The following GALNTL6 variants were observed in gnomAD, a reference collection of about 807,000 sequenced individuals.
GALNTL6 encodes the protein polypeptide N-acetylgalactosaminyltransferase-like 6.
In GALNTL6, 46 loss-of-function variants were observed where a neutral mutation model predicts 73.7. That is an observed-to-expected ratio of 0.62 (90% CI 0.49 to 0.80). The LOEUF is 0.80. Among genes scored for constraint, GALNTL6 ranks in the 30% least tolerant of loss-of-function variants. GALNTL6 has a pLI of 0.00. For missense variants in GALNTL6, 604 were observed against 755.0 expected, an observed-to-expected ratio of 0.80 and a Z score of 2.34; for synonymous variants, 259 against 263.7, an observed-to-expected ratio of 0.98 and a Z score of 0.17.
chr4:172,386,440 A>G (rs1743474544), intron 5 of GALNTL6, among the ~76,000 whole-genome samples: 2 of 152,088 alleles, frequency 1.3e-5, no homozygotes, highest in Non-Finnish European at 2.9e-5. Context: ...TCTCTTCATG[A>G]GAGTATTGTT....
intron 2 of GALNTL6, among the ~76,000 whole-genome samples, chr4:172,126,505 C>T (rs1282611742): frequency 6.6e-6 from 1 of 152,072 alleles, no homozygotes; most frequent in Admixed American, 6.6e-5. Flanking sequence ...GTAAGGGACA[C>T]GAGGAACACA....
At chr4:172,982,117 C>T (rs1357965710) in intron 10 of GALNTL6, among the ~76,000 whole-genome samples, 1 of 152,114 alleles carries the variant, frequency 6.6e-6, no homozygotes, top group Admixed American at 6.5e-5. Flanking sequence ...AATATTAAGT[C>T]TTTTGATCCA....
At chr4:171,841,250 A>G (rs1560809272) in intron 2 of GALNTL6, among the ~76,000 whole-genome samples, 1 of 152,228 alleles carries the variant, frequency 6.6e-6, no homozygotes, top group Non-Finnish European at 1.5e-5. Context: ...AATTGAAAGG[A>G]GATATTAATT....
intron 2 of GALNTL6, among the ~76,000 whole-genome samples, chr4:172,138,515 T>TATATATATA (rs1560938392): frequency 9.6e-4 from 6 of 6,244 alleles, no homozygotes; most frequent in Non-Finnish European, 1.6e-3. Context: ...ATATATATAT[T>TATATATATA]TTTTTTTTTT....
At chr4:172,710,970 C>T (rs1324147669) in intron 5 of GALNTL6, among the ~76,000 whole-genome samples, 2 of 152,056 alleles carry the variant, frequency 1.3e-5, no homozygotes, top group South Asian at 2.1e-4. Context: ...GGGGATACAA[C>T]GAACAAGGCC....
At chr4:172,768,319 A>G (rs1405001457) in intron 5 of GALNTL6, among the ~76,000 whole-genome samples, 1 of 152,218 alleles carries the variant, frequency 6.6e-6, no homozygotes, top group African/African-American at 2.4e-5. Flanking sequence ...TGGAATACAT[A>G]GAGTAGGTAA....
At chr4:172,438,812 G>T (rs987474387) in intron 5 of GALNTL6, among the ~76,000 whole-genome samples, 1 of 151,546 alleles carries the variant, frequency 6.6e-6, no homozygotes, top group Admixed American at 6.6e-5. Flanking sequence ...CATACTTCTC[G>T]ACTTACCCAC....
At chr4:171,999,613 A>T (rs1232273248) in intron 2 of GALNTL6, among the ~76,000 whole-genome samples, 1 of 152,158 alleles carries the variant, frequency 6.6e-6, no homozygotes, top group East Asian at 1.9e-4. Context: ...CCTTGAAAAC[A>T]TCTAAAATGT....
chr4:172,420,468 G>A (rs1731011595), intron 5 of GALNTL6, among the ~76,000 whole-genome samples: 1 of 152,150 alleles, frequency 6.6e-6, no homozygotes, highest in Non-Finnish European at 1.5e-5. Flanking sequence ...TGTTTTTTAA[G>A]TGATTTAGTA....
intron 5 of GALNTL6, among the ~76,000 whole-genome samples, chr4:172,481,255 A>G (rs567627881): frequency 6.7e-6 from 1 of 150,010 alleles, no homozygotes; most frequent in Non-Finnish European, 1.5e-5. Flanking sequence ...CGAGTTGTTC[A>G]TTCCTCCCGG....
At chr4:172,640,071 A>T (rs868348712) in intron 5 of GALNTL6, among the ~76,000 whole-genome samples, 20 of 151,894 alleles carry the variant, frequency 1.3e-4, no homozygotes, top group African/African-American at 4.8e-4. Context: ...ACTGTCCCCA[A>T]TTCCTCTCCT....
intron 2 of GALNTL6, among the ~76,000 whole-genome samples, chr4:171,889,745 T>A (rs1736709326): frequency 6.6e-6 from 1 of 152,102 alleles, no homozygotes; most frequent in East Asian, 1.9e-4. Flanking sequence ...TATTGACATA[T>A]TAACAAGGTG....
chr4:172,124,960 T>G (rs1006691142), intron 2 of GALNTL6, among the ~76,000 whole-genome samples: 3 of 152,014 alleles, frequency 2.0e-5, no homozygotes, highest in African/African-American at 7.2e-5. Flanking sequence ...TGAGGAAAAC[T>G]TTGCTTTTTT....
chr4:172,532,527 C>T (rs1735201405), intron 5 of GALNTL6, among the ~76,000 whole-genome samples: 2 of 152,164 alleles, frequency 1.3e-5, no homozygotes, highest in Non-Finnish European at 2.9e-5. Flanking sequence ...GTTACTGCAG[C>T]CACAGGAAAA....
intron 5 of GALNTL6, among the ~76,000 whole-genome samples, chr4:172,756,456 C>A (rs930642117): frequency 6.6e-6 from 1 of 151,956 alleles, no homozygotes; most frequent in African/African-American, 2.4e-5. Context: ...CCAGCCTGAC[C>A]ATTATGGTGA....
At chr4:172,169,163 C>T (rs1047180709) in intron 2 of GALNTL6, among the ~76,000 whole-genome samples, 5 of 151,950 alleles carry the variant, frequency 3.3e-5, no homozygotes, top group African/African-American at 9.7e-5. Flanking sequence ...AAGAAGTAAA[C>T]AATGAGATTG....
chr4:172,439,033 C>T (rs528313007), intron 5 of GALNTL6, among the ~76,000 whole-genome samples: 1 of 151,720 alleles, frequency 6.6e-6, no homozygotes, highest in Non-Finnish European at 1.5e-5. Context: ...CAAATCTCTC[C>T]TCTCTCTCAT....
intron 10 of GALNTL6, among the ~76,000 whole-genome samples, chr4:172,974,187 A>C (rs1393519133): frequency 6.6e-6 from 1 of 152,224 alleles, no homozygotes; most frequent in Non-Finnish European, 1.5e-5. Flanking sequence ...ATAGTGCCAC[A>C]GTAACAAAAA....
chr4:172,915,357 C>A (rs1016031908), intron 8 of GALNTL6, among the ~76,000 whole-genome samples: 2 of 152,060 alleles, frequency 1.3e-5, no homozygotes, highest in African/African-American at 4.8e-5. Flanking sequence ...CAAGAGCAAA[C>A]AAATTCAAAA....
Sources: allele counts gnomAD v4.1 joint callset (sites outside exome capture counted in the v4.1 genomes callset), GRCh38; gene constraint gnomAD v4.1.1; transcripts MANE v1.5; gene names NCBI Gene and HGNC (gene_info 2026-07-23, HGNC 2026-07-21).